The following IL1R1 variants were observed in gnomAD, a reference collection of about 807,000 sequenced individuals.
The protein encoded by IL1R1 is interleukin 1 receptor type 1.
IL1R1 carries 22 observed loss-of-function variants against 50.2 expected under a neutral mutation model. The observed-to-expected ratio is 0.44, with a 90% CI of 0.31 to 0.63. The LOEUF (loss-of-function observed/expected upper bound fraction) is 0.63, where lower values mean the gene tolerates loss of function less well. Among genes scored for constraint, IL1R1 ranks in the 20% least tolerant of loss-of-function variants. The pLI is 0.07. For missense variants in IL1R1, 509 were observed against 676.2 expected, an observed-to-expected ratio of 0.75 and a Z score of 2.74; for synonymous variants, 251 against 236.7, an observed-to-expected ratio of 1.06 and a Z score of -0.55.
upstream of IL1R1, among the ~76,000 whole-genome samples, chr2:102,140,025 C>T (rs899517291): frequency 3.3e-5 from 5 of 152,300 alleles, no homozygotes; most frequent in African/African-American, 2.4e-5. Context: ...CCCTCTGCTT[C>T]TCCCCTTCCC....
chr2:102,117,902 A>G (rs934082174), intron 1 of IL1R1, among the ~76,000 whole-genome samples: 1 of 150,598 alleles, frequency 6.6e-6, no homozygotes, highest in African/African-American at 2.4e-5. Context: ...GGTAAAGAAT[A>G]TGTTTGTAAA....
chr2:102,115,882 G>A (rs1048724425), intron 1 of IL1R1, among the ~76,000 whole-genome samples: 2 of 152,212 alleles, frequency 1.3e-5, no homozygotes, highest in Admixed American at 6.5e-5. Context: ...TAGGATCAAG[G>A]GAGACTGAGG....
At chr2:102,141,647 T>TC (rs1682652528), upstream of IL1R1, 1 of 152,208 alleles carries the variant, frequency 6.6e-6, no homozygotes, top group Admixed American at 6.5e-5. Context: ...CCTCAATTCT[T>TC]GAGTTTCTGA....
chr2:102,107,264 T>C (rs1463422515), intron 1 of IL1R1, among the ~76,000 whole-genome samples: 2 of 152,108 alleles, frequency 1.3e-5, no homozygotes, highest in African/African-American at 4.8e-5. Flanking sequence ...AGTGATAGAC[T>C]GGATTAAGAA....
At chr2:102,098,613 A>G (rs1320502697) in intron 1 of IL1R1, among the ~76,000 whole-genome samples, 1 of 152,204 alleles carries the variant, frequency 6.6e-6, no homozygotes, top group African/African-American at 2.4e-5. Flanking sequence ...ACTGCAGTGA[A>G]AGTATGATTA....
At chr2:102,132,834 A>T (rs1018237527) in intron 1 of IL1R1, among the ~76,000 whole-genome samples, 1 of 152,348 alleles carries the variant, frequency 6.6e-6, no homozygotes, top group Admixed American at 6.5e-5. Context: ...GGCATAAAAC[A>T]TATACTTTTA....
At chr2:102,174,502 C>A (rs182882544) in intron 9 of IL1R1, 85 bp from the exon 10 acceptor site, 2 of 1,016,312 alleles carry the variant, frequency 2.0e-6, no homozygotes, top group African/African-American at 3.3e-5. Flanking sequence ...CTCTCTGAGA[C>A]GAAGATATTT....
chr2:102,148,324 A>G (rs1683335150), intron 1 of IL1R1, among the ~76,000 whole-genome samples: 1 of 152,174 alleles, frequency 6.6e-6, no homozygotes. Context: ...CACTCCCTCT[A>G]ATTTGCCCCA....
At chr2:102,145,830 C>T (rs138957546) in intron 1 of IL1R1, among the ~76,000 whole-genome samples, 2 of 152,258 alleles carry the variant, frequency 1.3e-5, no homozygotes, top group African/African-American at 2.4e-5. Flanking sequence ...TCTCTGGAGG[C>T]GTGCTGGGCA....
At chr2:102,079,482 AAAC>A (rs1320835349) in intron 1 of IL1R1, among the ~76,000 whole-genome samples, 5 of 152,170 alleles carry the variant, frequency 3.3e-5, no homozygotes, top group Admixed American at 3.3e-4. Flanking sequence ...GAAATTAAGA[AAAC>A]AATTCTACTT....
chr2:102,117,497 A>G (rs993076387), intron 1 of IL1R1, among the ~76,000 whole-genome samples: 8 of 152,176 alleles, frequency 5.3e-5, no homozygotes, highest in African/African-American at 1.9e-4. Flanking sequence ...GTGTCTTCCA[A>G]TTTCTTGGAT....
intron 6 of IL1R1, among the ~76,000 whole-genome samples, chr2:102,167,696 C>T (rs1328314908): frequency 1.3e-5 from 2 of 152,068 alleles, no homozygotes; most frequent in Non-Finnish European, 2.9e-5. Context: ...GATCCGCCCA[C>T]CTCTGCCTCC....
intron 1 of IL1R1, among the ~76,000 whole-genome samples, chr2:102,094,612 A>G (rs1033012358): frequency 6.6e-6 from 1 of 152,204 alleles, no homozygotes; most frequent in African/African-American, 2.4e-5. Context: ...ATCATTTTAT[A>G]AACAAATGTC....
chr2:102,124,984 C>T (rs759138105), intron 1 of IL1R1, among the ~76,000 whole-genome samples: 4 of 152,142 alleles, frequency 2.6e-5, no homozygotes, highest in Admixed American at 1.3e-4. Context: ...GGGGAACCAC[C>T]GCCATAATCC....
upstream of IL1R1, among the ~76,000 whole-genome samples, chr2:102,140,269 G>A (rs1355745180): frequency 6.6e-6 from 1 of 152,198 alleles, no homozygotes; most frequent in African/African-American, 2.4e-5. Context: ...GGCCATAGGA[G>A]ATGCTTTATT....
chr2:102,168,985 T>G (rs1275047736), intron 7 of IL1R1, among the ~76,000 whole-genome samples: 1 of 152,056 alleles, frequency 6.6e-6, no homozygotes, highest in Admixed American at 6.5e-5. Flanking sequence ...TTTCTTTTTT[T>G]TTTTTTCACA....
In IL1R1 at chr2:102,174,706, T is replaced by C; in HGVS notation, c.1111T>C (p.Cys371Arg). 1 of 1,608,600 alleles carries C rather than the reference T, an allele frequency of 6.2e-7. No homozygotes were observed. Among genetic ancestry groups the C allele is most frequent in the East Asian group, 2.2e-5 (1 of 44,726 alleles). The change falls in exon 10 of 12, where the codon TGC becomes CGC. Residue 371 changes from cysteine to arginine, a missense_variant. Coordinates refer to ENST00000410023, the MANE Select transcript of IL1R1 (RefSeq NM_000877.4). Reference protein sequence around the residue: ...IDIVLWYRDSCYDFLPIKASD... With the variant: ...IDIVLWYRDSRYDFLPIKASD... ...CATTGTGCTTTGGTACAGGGATTCC[T>C]GCTATGATTTTCTCCCAATAAAAGG...
intron 1 of IL1R1, among the ~76,000 whole-genome samples, chr2:102,099,219 A>G (rs1680032132): frequency 6.6e-6 from 1 of 152,196 alleles, no homozygotes; most frequent in Admixed American, 6.5e-5. Context: ...CAAAATGTGA[A>G]TAGTGAGAAA....
intron 3 of IL1R1, among the ~76,000 whole-genome samples, chr2:102,162,831 T>C (rs1395380393): frequency 6.6e-6 from 1 of 152,194 alleles, no homozygotes; most frequent in Admixed American, 6.5e-5. Context: ...AAAGATGATC[T>C]TATAATTACC....
Sources: gnomAD v4.1 joint callset for allele counts (sites outside exome capture counted in the v4.1 genomes callset) on GRCh38, gnomAD v4.1.1 for gene constraint, MANE v1.5 for transcripts, NCBI Gene and HGNC (gene_info 2026-07-23, HGNC 2026-07-21) for gene names.